The following ANK3 variants were observed in gnomAD, a reference collection of about 807,000 sequenced individuals.
ANK3 encodes the protein ankyrin 3.
A neutral mutation model predicts 370.9 loss-of-function variants in ANK3; 57 were observed. The observed-to-expected ratio is 0.15, with a 90% confidence interval of 0.12 to 0.19. ANK3 has a LOEUF of 0.19. ANK3 is among the 10% of genes least tolerant of loss of function. ANK3 has a pLI of 1.00. For synonymous variants in ANK3, 1,929 were observed against 1,946.3 expected (o/e 0.99, Z 0.23); for missense variants, 4,439 against 5,302.1 (o/e 0.84, Z 5.06).
At position 60,701,312 on chromosome 10, in the gene ANK3, A is replaced by T. The variant is rs571433473; in HGVS notation, c.57+31951T>A. ...GAGAATATAAAACAGTACAGTCTCA[A>T]TGAAAGGGAATTTGGCAATATTTGA... On this transcript the variant is annotated intron_variant, in intron 1 of 43. Transcript: ENST00000373827. 2.8e-4 allele frequency among the ~76,000 whole-genome samples: 43 copies of T among 152,280 alleles called. No individual in the cohort carries two copies. The East Asian group carries it at 6.7e-3, about 24-fold the overall frequency.
At position 60,068,636 on chromosome 10, in the gene ANK3, C is replaced by T; in HGVS notation, c.12244+1G>A. ...AGAGACCTGACTGCCTTCATTCTCACCAGTCCTTCTACTGCTCCTTTTCTC... is the reference window on the plus strand; with the variant it reads ...AGAGACCTGACTGCCTTCATTCTCATCAGTCCTTCTACTGCTCCTTTTCTC... On this transcript the variant is annotated splice_donor_variant, in intron 37 of 43. Transcript: ENST00000280772. LOFTEE classifies it high-confidence loss of function. 1 of 1,598,094 alleles carries T rather than the reference C, an allele frequency of 6.3e-7. No homozygotes were observed. The highest frequency in any genetic ancestry group is 8.5e-7 in the Non-Finnish European group (1 of 1,171,560).
At chr10:60,083,860 C>A in intron 32 of ANK3, 2 of 297,874 alleles carry the variant, frequency 6.7e-6, no homozygotes, top group East Asian at 6.1e-5. Flanking sequence ...TTTATTCTGG[C>A]AACTTTAAAA....
chr10:60,113,182 A>G (rs1203764717), intron 26 of ANK3, among the ~76,000 whole-genome samples: 1 of 151,776 alleles, frequency 6.6e-6, no homozygotes, highest in African/African-American at 2.4e-5. Flanking sequence ...TCCAGTGTAG[A>G]CACTGGTATG....
chr10:60,084,436 A>T (rs771254480), intron 32 of ANK3, 166 bp downstream of exon 32: 49 of 377,394 alleles, frequency 1.3e-4, no homozygotes, highest in Middle Eastern at 7.1e-4. Flanking sequence ...AAATTAAATT[A>T]AAAAAGATAA....
chr10:60,564,014 A>C (rs1459435819), intron 2 of ANK3, among the ~76,000 whole-genome samples: 1 of 152,178 alleles, frequency 6.6e-6, no homozygotes, highest in Non-Finnish European at 1.5e-5. Context: ...ACAACATAAA[A>C]ATTTTTGTAC....
chr10:60,431,092 T>C (rs1402957535), intron 2 of ANK3, among the ~76,000 whole-genome samples: 6 of 152,196 alleles, frequency 3.9e-5, no homozygotes, highest in Admixed American at 3.3e-4. Context: ...GTACTTTGTT[T>C]CTATTATTAA....
At chr10:60,179,944 TAG>T (rs2096104088) in intron 18 of ANK3, among the ~76,000 whole-genome samples, 1 of 152,188 alleles carries the variant, frequency 6.6e-6, no homozygotes, top group Non-Finnish European at 1.5e-5. Context: ...CCTTGCCTTC[TAG>T]AGTTTTATAT....
chr10:60,391,591 A>C (rs553662435), upstream of ANK3, among the ~76,000 whole-genome samples: 6 of 152,210 alleles, frequency 3.9e-5, no homozygotes, highest in African/African-American at 1.4e-4. Flanking sequence ...ACAGCCAGCT[A>C]AAAAGCTGGC....
intron 2 of ANK3, among the ~76,000 whole-genome samples, chr10:60,514,249 T>A (rs147377360): frequency 2.6e-4 from 39 of 151,868 alleles, no homozygotes; most frequent in African/African-American, 8.9e-4. Flanking sequence ...TACACAAGAG[T>A]TTTTACTGTG....
intron 1 of ANK3, among the ~76,000 whole-genome samples, chr10:60,385,184 G>A (rs184777183): frequency 2.0e-5 from 3 of 152,028 alleles, no homozygotes; most frequent in East Asian, 1.9e-4. Flanking sequence ...CTTACTTTTC[G>A]TGCCACACAC....
chr10:60,535,622 G>A (rs937350616), intron 2 of ANK3, among the ~76,000 whole-genome samples: 1 of 152,066 alleles, frequency 6.6e-6, no homozygotes, highest in Non-Finnish European at 1.5e-5. Flanking sequence ...CTCAGTCAAG[G>A]TTGAATGGAG....
chr10:60,378,682 T>C (rs1341861966), intron 1 of ANK3, among the ~76,000 whole-genome samples: 5 of 152,086 alleles, frequency 3.3e-5, no homozygotes, highest in South Asian at 4.1e-4. Flanking sequence ...TTTCCCTTCT[T>C]ACCCTACATA....
At chr10:60,682,981 G>A (rs1372713121) in intron 1 of ANK3, among the ~76,000 whole-genome samples, 1 of 152,178 alleles carries the variant, frequency 6.6e-6, no homozygotes. Context: ...AACTGTGGGG[G>A]AAGGAAGGGG....
intron 2 of ANK3, among the ~76,000 whole-genome samples, chr10:60,444,763 T>C (rs1213439389): frequency 6.6e-6 from 1 of 152,148 alleles, no homozygotes; most frequent in Non-Finnish European, 1.5e-5. Context: ...CTTAATTTAA[T>C]GTACAGTTTT....
At chr10:60,650,619 T>C (rs2078775063) in intron 1 of ANK3, among the ~76,000 whole-genome samples, 1 of 152,160 alleles carries the variant, frequency 6.6e-6, no homozygotes, top group Non-Finnish European at 1.5e-5. Flanking sequence ...TCTGAAATTT[T>C]ATGGAGGGAA....
chr10:60,733,174 G>GA, intron 1 of ANK3: 1 of 1,151,172 alleles, frequency 8.7e-7, no homozygotes, highest in Non-Finnish European at 1.1e-6. Flanking sequence ...GACTCCTGGG[G>GA]CCCCCCGGCC....
intron 36 of ANK3, among the ~76,000 whole-genome samples, chr10:60,077,960 G>T (rs1196617431): frequency 6.6e-6 from 1 of 152,170 alleles, no homozygotes; most frequent in Non-Finnish European, 1.5e-5. Flanking sequence ...AAGCACACTT[G>T]CTGGGGAGCA....
chr10:60,081,512 G>A, intron 35 of ANK3: 1 of 441,744 alleles, frequency 2.3e-6, no homozygotes, highest in South Asian at 1.6e-5. Flanking sequence ...CAACTTAATT[G>A]AACTATATTC....
chr10:60,450,616 G>A (rs1327952446), intron 2 of ANK3, among the ~76,000 whole-genome samples: 4 of 152,088 alleles, frequency 2.6e-5, no homozygotes, highest in African/African-American at 9.7e-5. Context: ...GAAAATGCAT[G>A]ATGAATCAAA....
Sources: gnomAD v4.1 joint callset for allele counts (sites outside exome capture counted in the v4.1 genomes callset) on GRCh38, gnomAD v4.1.1 for gene constraint, MANE v1.5 for transcripts, NCBI Gene and HGNC (gene_info 2026-07-23, HGNC 2026-07-21) for gene names.